The following ABI3BP variants were observed in gnomAD, a reference collection of about 807,000 sequenced individuals.
ABI3BP encodes the protein target of Nesh-SH3.
ABI3BP carries 216 observed loss-of-function variants against 268.6 expected under a neutral mutation model. The observed-to-expected ratio is 0.80, with a 90% confidence interval of 0.72 to 0.90. The LOEUF (loss-of-function observed/expected upper bound fraction) is 0.90. Ranked by LOEUF, ABI3BP falls within the 40% of genes least tolerant of loss-of-function variation. The pLI, the probability that ABI3BP is intolerant of heterozygous loss-of-function variation, is 0.00. For missense variants in ABI3BP, 2,090 were observed against 2,182.4 expected, an observed-to-expected ratio of 0.96 and a Z score of 0.84; for synonymous variants, 730 against 730.0, an observed-to-expected ratio of 1.00 and a Z score of 0.00.
At chr3:100,981,896 G>A (rs1012938623) in intron 1 of ABI3BP, among the ~76,000 whole-genome samples, 2 of 152,180 alleles carry the variant, frequency 1.3e-5, no homozygotes, top group Admixed American at 6.5e-5. Flanking sequence ...GGAGTATCTA[G>A]ATCTTTCCAT....
chr3:100,817,412 T>C (rs931767948), intron 42 of ABI3BP, 24 bp downstream of exon 42: 2 of 1,471,602 alleles, frequency 1.4e-6, no homozygotes, highest in African/African-American at 2.8e-5. Context: ...GAAAAAGTTA[T>C]TCAGGAACAC....
intron 1 of ABI3BP, among the ~76,000 whole-genome samples, chr3:100,947,880 G>A (rs1450635913): frequency 6.6e-6 from 1 of 152,136 alleles, no homozygotes; most frequent in Non-Finnish European, 1.5e-5. Context: ...GCGGGACTGA[G>A]GTGCCCAAAC....
rs745848822 is a variant in ABI3BP, at chr3:100,816,754, G to A, written c.3163C>T (p.Arg1055Trp). The A allele has an allele frequency of 4.1e-5, 63 of 1,535,610 alleles. No homozygotes were observed. Among genetic ancestry groups the A allele is most frequent in the Admixed American group, 1.2e-4 (6 of 50,950 alleles). Reference sequence around the variant, plus strand: ...GGTCTGGGACGGGGACGACGTGTCCGTTGTGTTTTAGGAGCTGAAGGAAGA... The same window carrying A: ...GGTCTGGGACGGGGACGACGTGTCCATTGTGTTTTAGGAGCTGAAGGAAGA... ...PETTLAPKTQ[R>W]TRRPRPRPKT... is the part of the protein sequence containing the mutation. The change falls in exon 43 of 68, where the codon CGG becomes TGG. Residue 1055 changes from arginine to tryptophan, a missense_variant. Physicochemically the swap from Arg to Trp is moderately radical, Grantham distance 101 (BLOSUM62 -3). Transcript: ENST00000471714.
At position 100,874,791 on chromosome 3, in the gene ABI3BP, T is replaced by C. The variant is rs763752187; in HGVS notation, c.910+50A>G. Reference sequence around the variant, plus strand: ...TCTTTGGATTTCCTAAGAATATCAGTGCTAGTACTCAGTTACTGCAAAGTT... The same window carrying C: ...TCTTTGGATTTCCTAAGAATATCAGCGCTAGTACTCAGTTACTGCAAAGTT... On this transcript the variant is annotated intron_variant, in intron 9 of 67. Coordinates refer to ENST00000471714, the MANE Select transcript of ABI3BP (RefSeq NM_001375547.2). 3 of 1,098,044 alleles carry C rather than the reference T, an allele frequency of 2.7e-6. No homozygotes were observed. The South Asian group carries it at 4.2e-5, about 15-fold the overall frequency. 68.0% of individuals were successfully genotyped at this position (1,098,044 alleles called of 1,614,324 possible). A position where few individuals can be genotyped will look rare whatever the true frequency, so the allele number is the denominator to read the frequency against.
At chr3:100,954,215 C>T (rs766992791) in intron 1 of ABI3BP, among the ~76,000 whole-genome samples, 4 of 152,076 alleles carry the variant, frequency 2.6e-5, no homozygotes, top group Non-Finnish European at 5.9e-5. Flanking sequence ...AGACTTATTG[C>T]TATTTTCTAA....
intron 34 of ABI3BP, 132 bp downstream of exon 34, chr3:100,828,261 G>GC (rs1475431506): frequency 2.7e-6 from 2 of 729,648 alleles, no homozygotes; most frequent in Non-Finnish European, 4.5e-6. Flanking sequence ...TCTCTTATGA[G>GC]CAAGAGGCAA....
At position 100,850,723 on chromosome 3, in the gene ABI3BP, G is replaced by A. The variant is rs377450718; in HGVS notation, c.1363C>T (p.Arg455Cys). The A allele has an allele frequency of 1.1e-5, 18 of 1,612,138 alleles. No homozygotes were observed. Among genetic ancestry groups the A allele is most frequent in the East Asian group, 4.5e-5 (2 of 44,812 alleles). The change falls in exon 16 of 68, where the codon CGT becomes TGT. Residue 455 changes from arginine (R) to cysteine (C), a missense_variant. Arg to Cys is a radical substitution (Grantham distance 180). Transcript: ENST00000471714. ...TTAGGTGGGATAGAATCCAGAATAC[G>A]ATCACTTGTTGCTGTTGGAATAAAT... The part of the protein sequence containing the change: ...ISDSYTATSD[R>C]ILDSIPPKTS...
chr3:100,857,070 C>A (rs7617536), intron 14 of ABI3BP, among the ~76,000 whole-genome samples: 54,118 of 152,020 alleles, frequency 0.36, 10,246 homozygotes, highest in African/African-American at 0.48. Context: ...CTGAGTAATA[C>A]TGCATGTCTT....
chr3:100,950,350 A>C (rs2074407328), intron 1 of ABI3BP, among the ~76,000 whole-genome samples: 1 of 152,208 alleles, frequency 6.6e-6, no homozygotes, highest in Admixed American at 6.5e-5. Flanking sequence ...CTCTTCAAAA[A>C]AACTGTACTG....
chr3:100,828,570 C>T (rs2152763640), intron 33 of ABI3BP, 118 bp from the exon 34 acceptor site: 1 of 828,290 alleles, frequency 1.2e-6, no homozygotes, highest in East Asian at 2.7e-5. Context: ...ACGAAGCAAA[C>T]ACAATTAGCC....
In ABI3BP at chr3:100,749,407, G is replaced by A. The variant is rs1032913963; in HGVS notation, c.*1088C>T. On this transcript the variant is annotated 3_prime_UTR_variant, in exon 68 of 68. Transcript: ENST00000471714. Reference sequence around the variant, plus strand: ...AAAATACAAAATGTAGCGTTGATAAGATTGAAGCATGTTGAAAGGTAAGTA... The same window carrying A: ...AAAATACAAAATGTAGCGTTGATAAAATTGAAGCATGTTGAAAGGTAAGTA... 2.6e-6 allele frequency: 1 copy of A among 378,042 alleles called. No individual in the cohort carries two copies. The highest frequency in any genetic ancestry group is 2.1e-5 in the African/African-American group (1 of 48,234). The allele number at this position is 378,042 out of a possible 1,614,324, so 23.4% of individuals were successfully genotyped here. A position where few individuals can be genotyped will look rare whatever the true frequency, so the allele number is the denominator to read the frequency against.
chr3:100,813,701 T>C lies in ABI3BP; in HGVS notation c.3324A>G (p.Pro1108=), dbSNP rs2097920630. ...LTELQTLILK[P]VTSPSLEMTE... is the part of the protein sequence containing the mutation. ...TCATTTCTAGGCTTGGTGATGTCAC[T>C]GGTTTCAAAATAAGAGTTTGCAGTT... Residue 1108 remains proline (P), a synonymous_variant, in exon 45 of 68, where the codon CCA becomes CCG. Coordinates refer to ENST00000471714, the MANE Select transcript of ABI3BP (RefSeq NM_001375547.2). The C allele has an allele frequency of 1.3e-6, 2 of 1,535,368 alleles. No individual in the cohort carries two copies. Among genetic ancestry groups the C allele is most frequent in the African/African-American group, 1.4e-5 (1 of 72,988 alleles).
At chr3:100,783,784 C>T (rs543612598) in intron 57 of ABI3BP, among the ~76,000 whole-genome samples, 6 of 152,236 alleles carry the variant, frequency 3.9e-5, no homozygotes, top group South Asian at 4.1e-4. Flanking sequence ...CAATGTGAAA[C>T]GTAGATGTGT....
chr3:100,759,517 T>G (rs1350150167), intron 63 of ABI3BP, among the ~76,000 whole-genome samples: 1 of 152,194 alleles, frequency 6.6e-6, no homozygotes, highest in African/African-American at 2.4e-5. Context: ...TAGCTGGCTC[T>G]TATGCCATAA....
chr3:100,751,675 C>G lies in ABI3BP; in HGVS notation c.5123-1G>C. On this transcript the variant is annotated splice_acceptor_variant, in intron 66 of 67. Coordinates refer to ENST00000471714, the MANE Select transcript of ABI3BP (RefSeq NM_001375547.2). LOFTEE classifies it high-confidence loss of function. ...TGATCACCTATGTTATAAAATTTTCCTGAAGAACCAGAAATTAAAAGGATA... is the reference window on the plus strand; with the variant it reads ...TGATCACCTATGTTATAAAATTTTCGTGAAGAACCAGAAATTAAAAGGATA... 1 of 1,586,208 alleles carries G rather than the reference C, an allele frequency of 6.3e-7. No homozygotes were observed. The highest frequency in any genetic ancestry group is 8.6e-7 in the Non-Finnish European group (1 of 1,167,312).
chr3:100,977,073 C>G lies in ABI3BP; in HGVS notation c.79+16233G>C, dbSNP rs537318891. On this transcript the variant is annotated intron_variant, in intron 1 of 67. Transcript: ENST00000471714. ...CATTTATGCTCAGTTTTTTTGTGGTCCTGGAAAGGTAATTGATCCCAAAAT... is the reference window on the plus strand; with the variant it reads ...CATTTATGCTCAGTTTTTTTGTGGTGCTGGAAAGGTAATTGATCCCAAAAT... 6.6e-5 allele frequency among the ~76,000 whole-genome samples: 10 copies of G among 152,158 alleles called. No homozygotes were observed. In the South Asian group the frequency reaches 2.1e-3, roughly 32 times the overall value.
chr3:100,774,573 C>G (rs1379362748), intron 61 of ABI3BP, 32 bp downstream of exon 61: 9 of 1,524,758 alleles, frequency 5.9e-6, no homozygotes, highest in Non-Finnish European at 7.9e-6. Flanking sequence ...ATGGCCTTTT[C>G]AAATGTGAGA....
At chr3:100,912,745 G>A (rs956079329) in intron 2 of ABI3BP, among the ~76,000 whole-genome samples, 6 of 152,142 alleles carry the variant, frequency 3.9e-5, no homozygotes, top group Non-Finnish European at 5.9e-5. Context: ...CCTGAGTAAC[G>A]TATACCTGAA....
At chr3:100,751,444 G>C in intron 67 of ABI3BP, 108 bp downstream of exon 67, 11 of 1,166,882 alleles carry the variant, frequency 9.4e-6, no homozygotes, top group Non-Finnish European at 1.2e-5. Context: ...GATATGTGGA[G>C]CAGTAGTACT....
Sources: allele counts gnomAD v4.1 joint callset (sites outside exome capture counted in the v4.1 genomes callset), GRCh38; gene constraint gnomAD v4.1.1; transcripts MANE v1.5; gene names NCBI Gene and HGNC (gene_info 2026-07-23, HGNC 2026-07-21).